ZNF534: variants seen among roughly 807,000 people sequenced by gnomAD.
The protein encoded by ZNF534 is KRAB domain only 3.
Under a neutral mutation model 13.6 loss-of-function variants are expected in ZNF534, and 19 were observed. The ratio of observed to expected loss-of-function variants is 1.40; its 90% CI spans 0.97 to 2.05. The LOEUF (loss-of-function observed/expected upper bound fraction) is 2.05. Ranked by LOEUF, ZNF534 falls within the 30% of genes most tolerant of loss-of-function variation. The pLI is 0.00. For synonymous variants in ZNF534, 244 were observed against 273.8 expected, an observed-to-expected ratio of 0.89 and a Z score of 1.07; for missense variants, 782 against 796.3, an observed-to-expected ratio of 0.98 and a Z score of 0.22.
At chr19:52,430,953 G>A (rs865887182) in intron 1 of ZNF534, among the ~76,000 whole-genome samples, 1 of 151,712 alleles carries the variant, frequency 6.6e-6, no homozygotes, top group Admixed American at 6.6e-5. Flanking sequence ...CAAGTTCAAG[G>A]GATTCTCCTG....
intron 4 of ZNF534, chr19:52,451,134 T>G: frequency 1.7e-6 from 1 of 601,080 alleles, no homozygotes; most frequent in East Asian, 2.8e-5. Context: ...CCTTTACTTT[T>G]TTGTGTAACC....
At chr19:52,431,658 T>C (rs113487087) in intron 2 of ZNF534, among the ~76,000 whole-genome samples, 169 bp downstream of exon 2, 2,886 of 152,218 alleles carry the variant, frequency 0.019, 90 homozygotes, top group African/African-American at 0.066. Context: ...CAGTTCCCTA[T>C]GACCCAATGA....
chr19:52,446,115 G>A (rs114216821), downstream of ZNF534, among the ~76,000 whole-genome samples: 1,677 of 152,232 alleles, frequency 0.011, 39 homozygotes, highest in African/African-American at 0.038. Context: ...CTCTTAATGT[G>A]GGTGCTTGCT....
chr19:52,430,111 GT>G lies in ZNF534; in HGVS notation c.-68+869del, dbSNP rs537269018. Reference sequence around the variant, plus strand: ...GCTGACTGCAACCTCTGTCTCCTGGGTTCAAGCAATTCTCCTGCCTCAGTCT... The same window carrying G: ...GCTGACTGCAACCTCTGTCTCCTGGGTCAAGCAATTCTCCTGCCTCAGTCT... On this transcript the variant is annotated intron_variant, in intron 1 of 4. Transcript: ENST00000433050. Among the ~76,000 whole-genome samples, 9 of 151,584 alleles carry G rather than the reference GT, an allele frequency of 5.9e-5. No individual in the cohort carries two copies. The South Asian group carries it at 1.9e-3, about 32-fold the overall frequency.
At chr19:52,446,501 C>T (rs2608542), downstream of ZNF534, among the ~76,000 whole-genome samples, 138,988 of 151,884 alleles carry the variant, frequency 0.92, 63,948 homozygotes, top group Non-Finnish European at 0.96. Flanking sequence ...CTACATACAT[C>T]ATTTTATTGG....
At chr19:52,446,278 T>C (rs1261730052), downstream of ZNF534, among the ~76,000 whole-genome samples, 2 of 152,196 alleles carry the variant, frequency 1.3e-5, no homozygotes, top group African/African-American at 4.8e-5. Context: ...AAGGCCATTC[T>C]GCCTCTTCTC....
intron 4 of ZNF534, 60 bp from the exon 5 acceptor site, chr19:52,437,672 T>C: frequency 6.9e-7 from 1 of 1,448,794 alleles, no homozygotes; most frequent in Non-Finnish European, 9.2e-7. Context: ...TCTTGTTTTC[T>C]GTCAGACTTT....
At chr19:52,433,637 A>C (rs994988542) in intron 2 of ZNF534, among the ~76,000 whole-genome samples, 1 of 152,234 alleles carries the variant, frequency 6.6e-6, no homozygotes, top group Admixed American at 6.5e-5. Context: ...AAATGCTGGG[A>C]TTACAGGCAT....
intron 3 of ZNF534, 101 bp from the exon 4 acceptor site, chr19:52,434,980 T>C: frequency 7.2e-7 from 1 of 1,389,496 alleles, no homozygotes; most frequent in Non-Finnish European, 9.6e-7. Context: ...TTGTGAAATA[T>C]TATTCTTGAT....
In ZNF534 at chr19:52,434,178, T is replaced by C. The variant is rs187445312; in HGVS notation, c.142+97T>C. 4.4e-4 allele frequency: 667 copies of C among 1,518,950 alleles called. 6 individuals are homozygous for C. The highest frequency in any genetic ancestry group is 4.6e-4 in the Admixed American group (21 of 45,464). 94.1% of individuals were successfully genotyped at this position (1,518,950 alleles called of 1,614,324 possible). On this transcript the variant is annotated intron_variant, in intron 3 of 4. Transcript: ENST00000433050. Reference sequence around the variant, plus strand: ...CTCGGGAGCCCCTGCATTGCTTGACTGAGATTGAAACCTGTTGACTAAGAA... The same window carrying C: ...CTCGGGAGCCCCTGCATTGCTTGACCGAGATTGAAACCTGTTGACTAAGAA...
chr19:52,432,103 G>C (rs1244949308), intron 2 of ZNF534, among the ~76,000 whole-genome samples: 1 of 151,566 alleles, frequency 6.6e-6, no homozygotes, highest in Non-Finnish European at 1.5e-5. Context: ...TATTTATCAG[G>C]ATGTTCAAAT....
intron 4 of ZNF534, among the ~76,000 whole-genome samples, chr19:52,449,064 C>G (rs1482722196): frequency 6.6e-6 from 1 of 152,136 alleles, no homozygotes; most frequent in African/African-American, 2.4e-5. Context: ...ATGAGATTAA[C>G]TTTTTTAGCT....
At chr19:52,443,021 T>C (rs531787012), downstream of ZNF534, among the ~76,000 whole-genome samples, 1 of 152,336 alleles carries the variant, frequency 6.6e-6, no homozygotes, top group Non-Finnish European at 1.5e-5. Context: ...GGGAAGAGAA[T>C]AATTGTTGTT....
At chr19:52,434,804 C>A (rs1328468637) in intron 3 of ZNF534, among the ~76,000 whole-genome samples, 7 of 151,858 alleles carry the variant, frequency 4.6e-5, no homozygotes, top group Non-Finnish European at 8.8e-5. Flanking sequence ...TCATTGATGG[C>A]ACCAGGGCTG....
chr19:52,448,790 C>T (rs2608537), intron 4 of ZNF534, among the ~76,000 whole-genome samples: 139,341 of 152,270 alleles, frequency 0.92, 64,105 homozygotes, highest in Non-Finnish European at 0.96. Flanking sequence ...TTTTGATACA[C>T]ACATAAAATA....
At chr19:52,448,917 C>T (rs1350711240) in intron 4 of ZNF534, among the ~76,000 whole-genome samples, 1 of 152,160 alleles carries the variant, frequency 6.6e-6, no homozygotes, top group East Asian at 1.9e-4. Context: ...TTATTGTTCA[C>T]TATAGTCACC....
intron 1 of ZNF534, among the ~76,000 whole-genome samples, chr19:52,430,851 T>C (rs938724785): frequency 7.4e-5 from 11 of 148,944 alleles, no homozygotes; most frequent in Non-Finnish European, 1.6e-4. Context: ...TGGCCTTTTT[T>C]TTTTCTTTTT....
rs143565879 is a variant in ZNF534, at chr19:52,433,385, G to A, written c.16-570G>A. 1.5e-3 allele frequency among the ~76,000 whole-genome samples: 226 copies of A among 150,806 alleles called. 4 individuals carry two copies. The East Asian group carries it at 0.032, about 22-fold the overall frequency. On this transcript the variant is annotated intron_variant, in intron 2 of 4. Coordinates refer to ENST00000433050, the MANE Select transcript of ZNF534 (RefSeq NM_001143938.3). The stretch of plus-strand genomic sequence containing the variant: ...TTCTTTCTCTTTTTGGGGGGGGGAG[G>A]GGACGGAGTCTCACTCTGTCACCCA...
Position 52,442,453 on chromosome 19 carries a change from A to T in ZNF534, c.*3007A>T, listed in dbSNP as rs2059178951. On this transcript the variant is annotated 3_prime_UTR_variant, in exon 5 of 5. Transcript: ENST00000433050. ...ATGTAATCTATAATCAATAGAAACA[A>T]TGCTTATCACTGGCTTGCTCTCAAT... Among the ~76,000 whole-genome samples the T allele has an allele frequency of 6.6e-6, 1 of 152,226 alleles. No homozygotes were observed. The highest frequency in any genetic ancestry group is 2.1e-4 in the South Asian group (1 of 4,832).
Sources: allele counts gnomAD v4.1 joint callset (sites outside exome capture counted in the v4.1 genomes callset), GRCh38; gene constraint gnomAD v4.1.1; transcripts MANE v1.5; gene names NCBI Gene and HGNC (gene_info 2026-07-23, HGNC 2026-07-21).